CFI: variants seen among roughly 807,000 people sequenced by gnomAD.
CFI encodes the protein complement factor I.
CFI carries 66 observed loss-of-function variants against 78.8 expected under a neutral mutation model. That is an observed-to-expected ratio of 0.84 (90% CI 0.69 to 1.03). CFI has a LOEUF of 1.03. Ranked by LOEUF, CFI falls within the 50% of genes least tolerant of loss-of-function variation. The pLI, the probability that CFI is intolerant of heterozygous loss-of-function variation, is 0.00. For missense variants in CFI, 706 were observed against 704.5 expected (o/e 1.00, Z -0.02); for synonymous variants, 250 against 232.6 (o/e 1.07, Z -0.68).
intron 2 of CFI, among the ~76,000 whole-genome samples, chr4:109,765,033 C>T (rs1727558800): frequency 6.6e-6 from 1 of 152,164 alleles, no homozygotes; most frequent in Non-Finnish European, 1.5e-5. Context: ...ACTCCAAAGT[C>T]CATGCTCTCA....
At chr4:109,798,256 T>C (rs999383970) in intron 1 of CFI, among the ~76,000 whole-genome samples, 5 of 152,210 alleles carry the variant, frequency 3.3e-5, no homozygotes, top group Non-Finnish European at 7.3e-5. Context: ...GAATAGTGCC[T>C]ATTGTTCATA....
At chr4:109,795,693 A>C (rs2125871952) in intron 1 of CFI, among the ~76,000 whole-genome samples, 1 of 152,308 alleles carries the variant, frequency 6.6e-6, no homozygotes, top group East Asian at 1.9e-4. Flanking sequence ...GAAATTTTGG[A>C]GGTGAAAATA....
chr4:109,760,515 A>C lies in CFI; in HGVS notation c.772+8T>G. On this transcript the variant is annotated splice_region_variant and intron_variant, in intron 5 of 12. Transcript: ENST00000394634. The stretch of plus-strand genomic sequence containing the variant: ...TTTAGAGGATTTAGAGGCTAGATTT[A>C]TGTCTACCTTTACAACACAGTTCAT... 1 of 1,542,454 alleles carries C rather than the reference A, an allele frequency of 6.5e-7. No individual in the cohort carries two copies. The highest frequency in any genetic ancestry group is 1.1e-5 in the South Asian group (1 of 89,746).
At chr4:109,774,129 A>C (rs1486214809) in intron 1 of CFI, among the ~76,000 whole-genome samples, 1 of 152,240 alleles carries the variant, frequency 6.6e-6, no homozygotes, top group Non-Finnish European at 1.5e-5. Context: ...ATATTCATAC[A>C]ATATTTATTG....
rs371324158 is a variant in CFI at position 109,764,529 on chromosome 4, G to A, written c.482+8C>T. 394 of 1,613,874 alleles carry A rather than the reference G, an allele frequency of 2.4e-4. No homozygotes were observed. Among genetic ancestry groups the A allele is most frequent in the Admixed American group, 1.9e-3 (112 of 60,008 alleles). On this transcript the variant is annotated splice_region_variant and intron_variant, in intron 3 of 12. Transcript: ENST00000394634. ...GCCATGAGAAAATCCACTGATACAA[G>A]CGCTCACTGTTGAAACCCAAGGTCA...
At chr4:109,748,898 T>C (rs1469429233) in intron 10 of CFI, among the ~76,000 whole-genome samples, 1 of 152,154 alleles carries the variant, frequency 6.6e-6, no homozygotes, top group Non-Finnish European at 1.5e-5. Context: ...AAAATATAGG[T>C]AGGCCACAGT....
Position 109,760,275 on chromosome 4 carries a change from C to A in CFI, c.878G>T (p.Cys293Phe). 1.2e-6 allele frequency: 2 copies of A among 1,612,080 alleles called. No homozygotes were observed. The highest frequency in any genetic ancestry group is 1.7e-6 in the Non-Finnish European group (2 of 1,178,104). The change falls in exon 6 of 13, where the codon TGT (cysteine) becomes TTT (phenylalanine). Residue 293 changes from cysteine to phenylalanine, a missense_variant. By Grantham distance (205) the Cys-to-Phe change is radical. Transcript: ENST00000394634. Reference protein sequence around the residue: ...DCITGEDEVGCAGFASVTQEE... With the variant: ...DCITGEDEVGFAGFASVTQEE... ...ACCCCAAGTCTTTCAATTACCTGCA[C>A]AGCCAACTTCATCTTCCCCTGTAAT...
chr4:109,747,439 G>A (rs993269701), intron 10 of CFI, among the ~76,000 whole-genome samples: 13 of 152,122 alleles, frequency 8.5e-5, no homozygotes, highest in African/African-American at 2.9e-4. Flanking sequence ...TTATAGGCGT[G>A]AGCCACCGCA....
chr4:109,779,416 C>T (rs866788212), intron 1 of CFI, among the ~76,000 whole-genome samples: 35 of 152,126 alleles, frequency 2.3e-4, no homozygotes, highest in Middle Eastern at 3.4e-3. Flanking sequence ...CCTAGGAATC[C>T]AACTTACAAG....
chr4:109,746,214 A>G lies in CFI; in HGVS notation c.1429+8T>C, dbSNP rs184313022. 19 of 1,614,074 alleles carry G rather than the reference A, an allele frequency of 1.2e-5. No individual in the cohort carries two copies. In the Admixed American group the frequency reaches 3.2e-4, roughly 27 times the overall value. ...TGGCTTCTGATTAACAAACTGTAAAACATATACCTTTTTCTCGTCCCCAGC... is the reference window on the plus strand; with the variant it reads ...TGGCTTCTGATTAACAAACTGTAAAGCATATACCTTTTTCTCGTCCCCAGC... On this transcript the variant is annotated splice_region_variant and intron_variant, in intron 11 of 12. Transcript: ENST00000394634.
At position 109,746,028 on chromosome 4, in the gene CFI, A is replaced by C. The variant is rs115869144; in HGVS notation, c.1429+194T>G. On this transcript the variant is annotated intron_variant, in intron 11 of 12. Coordinates refer to ENST00000394634, the MANE Select transcript of CFI (RefSeq NM_000204.5). ...ACAACACAGCAATAAATCAAGCCTC[A>C]GGGCCTTCTGAGCATGGGGTGCTGG... Among the ~76,000 whole-genome samples the C allele has an allele frequency of 5.7e-3, 865 of 152,330 alleles. 6 individuals carry two copies. Among genetic ancestry groups the C allele is most frequent in the Non-Finnish European group, 8.3e-3 (567 of 68,024 alleles).
At chr4:109,760,008 T>C (rs1056330135) in intron 6 of CFI, 23 of 601,444 alleles carry the variant, frequency 3.8e-5, no homozygotes, top group Non-Finnish European at 6.7e-5. Context: ...GGAAAATGGG[T>C]ACTTAAGGAT....
In CFI at chr4:109,757,774, G is replaced by A. The variant is rs780104563; in HGVS notation, c.893C>T (p.Ser298Phe). 1 of 1,457,632 alleles carries A rather than the reference G, an allele frequency of 6.9e-7. No individual in the cohort carries two copies. The highest frequency in any genetic ancestry group is 1.2e-5 in the South Asian group (1 of 85,668). 90.3% of individuals were successfully genotyped at this position (1,457,632 alleles called of 1,614,324 possible). A position where few individuals can be genotyped will look rare whatever the true frequency, so the allele number is the denominator to read the frequency against. ...EDEVGCAGFA[S>F]VTQEETEILT... is the part of the protein sequence containing the mutation. ...AATAAAAATTTTACCTTGAGTCACA[G>A]ATGCAAAGCCTGAAGAAAACAAAAA... The change falls in exon 7 of 13, where the codon TCT becomes TTT. Residue 298 changes from serine to phenylalanine, a missense_variant. Ser to Phe is a radical substitution (Grantham distance 155). Coordinates refer to ENST00000394634, the MANE Select transcript of CFI (RefSeq NM_000204.5).
chr4:109,745,690 G>A (rs1724322619), intron 11 of CFI, among the ~76,000 whole-genome samples: 1 of 151,886 alleles, frequency 6.6e-6, no homozygotes, highest in Non-Finnish European at 1.5e-5. Context: ...AAAGAGGGAG[G>A]AGGGGAGTGA....
intron 1 of CFI, among the ~76,000 whole-genome samples, chr4:109,797,343 A>G (rs1732180945): frequency 6.6e-6 from 1 of 152,240 alleles, no homozygotes; most frequent in Admixed American, 6.5e-5. Flanking sequence ...AGTCTTTTTA[A>G]TAAGTGGTAA....
In CFI at chr4:109,773,415, C is replaced by A. The variant is rs148243511; in HGVS notation, c.58-6591G>T. On this transcript the variant is annotated intron_variant, in intron 1 of 12. Coordinates refer to ENST00000394634, the MANE Select transcript of CFI (RefSeq NM_000204.5). ...CATGTAATCCCAGCTACTCAGGAGG[C>A]TGAGGCAGGAGAATCGCTTGAACCT... Among the ~76,000 whole-genome samples, 13 of 152,208 alleles carry A rather than the reference C, an allele frequency of 8.5e-5. No individual in the cohort carries two copies. The East Asian group carries it at 2.5e-3, about 29-fold the overall frequency.
At position 109,760,310 on chromosome 4, in the gene CFI, C is replaced by T. The variant is rs778018286; in HGVS notation, c.843G>A (p.Glu281=). ...CIPSQYQCNG[E]VDCITGEDEV... Reference sequence around the variant, plus strand: ...CATCTTCCCCTGTAATGCAGTCCACCTCACCATTGCATTGATACTGGCTTG... The same window carrying T: ...CATCTTCCCCTGTAATGCAGTCCACTTCACCATTGCATTGATACTGGCTTG... The change falls in exon 6 of 13, where the codon GAG becomes GAA. Residue 281 remains glutamate (E), a synonymous_variant. Transcript: ENST00000394634. 1.2e-6 allele frequency: 2 copies of T among 1,614,012 alleles called. No homozygotes were observed. Among genetic ancestry groups the T allele is most frequent in the Non-Finnish European group, 1.7e-6 (2 of 1,179,986 alleles).
At chr4:109,734,890 C>T in the CFI span, among the ~76,000 whole-genome samples, 2 of 152,066 alleles carry the variant, frequency 1.3e-5, no homozygotes, top group Non-Finnish European at 2.9e-5. Context: ...TGTGCTTATT[C>T]TTGTCTGAAT....
rs925054355 is a variant in CFI, at chr4:109,743,409, C to T, written c.1430-814G>A. On this transcript the variant is annotated intron_variant, in intron 11 of 12. Transcript: ENST00000394634. Reference sequence around the variant, plus strand: ...TAAGCTTCTTGAGGCAGCTCTCCGACGGTAGCTGAGGCAGCGAAAGGGCAG... The same window carrying T: ...TAAGCTTCTTGAGGCAGCTCTCCGATGGTAGCTGAGGCAGCGAAAGGGCAG... Among the ~76,000 whole-genome samples, 96 of 152,294 alleles carry T rather than the reference C, an allele frequency of 6.3e-4. 2 individuals are homozygous for T. The highest frequency in any genetic ancestry group is 1.0e-4 in the Non-Finnish European group (7 of 68,024).
Sources: allele counts gnomAD v4.1 joint callset (sites outside exome capture counted in the v4.1 genomes callset), GRCh38; gene constraint gnomAD v4.1.1; transcripts MANE v1.5; gene names NCBI Gene and HGNC (gene_info 2026-07-23, HGNC 2026-07-21).